Variants in CEP126 observed in about 807,000 individuals in gnomAD.
CEP126 encodes centrosomal protein 126, also known as centrosomal protein of 126 kDa.
CEP126 carries 74 observed loss-of-function variants against 107.8 expected under a neutral mutation model. That is an observed-to-expected ratio of 0.69 (90% CI 0.57 to 0.83). CEP126 has a LOEUF of 0.83. Ranked by LOEUF, CEP126 falls within the 40% of genes least tolerant of loss-of-function variation. The pLI is 0.00. For missense variants in CEP126, 1,237 were observed against 1,281.9 expected (o/e 0.96, Z 0.53); for synonymous variants, 449 against 446.0 (o/e 1.01, Z -0.08).
intron 4 of CEP126, among the ~76,000 whole-genome samples, chr11:101,951,136 A>C (rs2137101681): frequency 1.3e-5 from 2 of 152,250 alleles, no homozygotes; most frequent in East Asian, 3.9e-4. Context: ...AATGAAGATA[A>C]TGTGCTTTCA....
Position 102,000,882 on chromosome 11 carries a change from C to T in CEP126, c.*3239C>T, listed in dbSNP as rs1941500859. The T allele has an allele frequency of 6.6e-6, 1 of 152,056 alleles. No individual in the cohort carries two copies. Among genetic ancestry groups the T allele is most frequent in the Non-Finnish European group, 1.5e-5 (1 of 68,008 alleles). 9.4% of individuals were successfully genotyped at this position (152,056 alleles called of 1,614,324 possible). A position where few individuals can be genotyped will look rare whatever the true frequency, so the allele number is the denominator to read the frequency against. ...AACTTATTTTAAATCCATATTGTAC[C>T]AGAATGACTATGTCTGTGTTTCTTA... On this transcript the variant is annotated 3_prime_UTR_variant, in exon 11 of 11. Transcript: ENST00000263468.
intron 2 of CEP126, 58 bp from the exon 3 acceptor site, chr11:101,944,207 A>G: frequency 7.1e-7 from 1 of 1,416,622 alleles, no homozygotes; most frequent in Admixed American, 2.7e-5. Flanking sequence ...CGTCATTTTG[A>G]AACTATTTTC....
chr11:101,957,313 T>C (rs7102793), intron 4 of CEP126, among the ~76,000 whole-genome samples: 39,310 of 152,076 alleles, frequency 0.26, 5,496 homozygotes, highest in Admixed American at 0.37. Flanking sequence ...AAATGCTCTT[T>C]GGATTCACAC....
intron 6 of CEP126, among the ~76,000 whole-genome samples, chr11:101,967,909 A>G (rs1459566092): frequency 6.6e-6 from 1 of 152,208 alleles, no homozygotes; most frequent in Non-Finnish European, 1.5e-5. Flanking sequence ...GGCTGCCACA[A>G]ATAGTTGCAC....
chr11:101,971,659 C>T (rs1441172516), intron 6 of CEP126, among the ~76,000 whole-genome samples: 4 of 151,958 alleles, frequency 2.6e-5, no homozygotes, highest in Non-Finnish European at 5.9e-5. Context: ...CAAGAAGCTG[C>T]GGTTACAGTT....
At position 101,922,633 on chromosome 11, in the gene CEP126, A is replaced by G. The variant is rs369305257; in HGVS notation, c.129-8A>G. On this transcript the variant is annotated splice_polypyrimidine_tract_variant and splice_region_variant and intron_variant, in intron 1 of 10. Transcript: ENST00000263468. ...AGACCATTGTTCTTAACTTAATGCT[A>G]TCATTAGAGATATGAAAATCCATCT... 3.6e-5 allele frequency: 58 copies of G among 1,597,294 alleles called. No homozygotes were observed. The highest frequency in any genetic ancestry group is 4.2e-5 in the Non-Finnish European group (49 of 1,165,692).
At position 101,922,750 on chromosome 11, in the gene CEP126, C is replaced by G; in HGVS notation, c.238C>G (p.Arg80Gly). ...ACGTAAATATTTTGTGGAGTCAAATCGGAGAAAAAAGTAAGTAATTGCACT... is the reference window on the plus strand; with the variant it reads ...ACGTAAATATTTTGTGGAGTCAAATGGGAGAAAAAAGTAAGTAATTGCACT... Reference protein sequence around the residue: ...RARKYFVESNRRKKAFEEKRK... With the variant: ...RARKYFVESNGRKKAFEEKRK... The change falls in exon 2 of 11, where the codon CGG (arginine) becomes GGG (glycine). Residue 80 changes from arginine (R) to glycine (G), a missense_variant. Around this residue, in one of 3 missense-constraint regions of CEP126, gnomAD observed 1,134 missense variants for 1,150.5 expected, o/e 0.99. Transcript: ENST00000263468. 1 of 1,610,316 alleles carries G rather than the reference C, an allele frequency of 6.2e-7. No homozygotes were observed. The highest frequency in any genetic ancestry group is 1.1e-5 in the South Asian group (1 of 90,776).
intron 9 of CEP126, among the ~76,000 whole-genome samples, chr11:101,988,909 C>T (rs1266611243): frequency 1.3e-5 from 2 of 151,968 alleles, no homozygotes; most frequent in Non-Finnish European, 2.9e-5. Flanking sequence ...TTTTTAACCA[C>T]GGTGGGTGAT....
chr11:101,961,643 G>A (rs1483198316), intron 5 of CEP126, 98 bp from the exon 6 acceptor site: 2 of 633,270 alleles, frequency 3.2e-6, no homozygotes, highest in Non-Finnish European at 2.7e-6. Flanking sequence ...TACTCTATAT[G>A]CAAGGAGAAT....
chr11:101,920,742 G>T (rs1317803437), intron 1 of CEP126, among the ~76,000 whole-genome samples: 6 of 151,816 alleles, frequency 4.0e-5, no homozygotes, highest in Non-Finnish European at 8.8e-5. Context: ...AGTAGCTGGG[G>T]CTGCAGGCAT....
At chr11:101,942,306 T>C (rs537589391) in intron 2 of CEP126, among the ~76,000 whole-genome samples, 1 of 152,242 alleles carries the variant, frequency 6.6e-6, no homozygotes, top group East Asian at 1.9e-4. Flanking sequence ...TTATATGTGC[T>C]GTAAGGTAAG....
At chr11:101,922,236 C>T (rs1940339968) in intron 1 of CEP126, among the ~76,000 whole-genome samples, 1 of 148,842 alleles carries the variant, frequency 6.7e-6, no homozygotes, top group Admixed American at 6.7e-5. Flanking sequence ...ACAACCTTGG[C>T]TCACTGCAAC....
intron 1 of CEP126, 108 bp downstream of exon 1, chr11:101,915,520 A>C: frequency 1.5e-6 from 2 of 1,355,608 alleles, no homozygotes; most frequent in Non-Finnish European, 2.0e-6. Context: ...AAAACTAGCA[A>C]GTCATCTTAG....
intron 2 of CEP126, among the ~76,000 whole-genome samples, chr11:101,930,290 C>T (rs1212798757): frequency 6.6e-6 from 1 of 152,200 alleles, no homozygotes. Flanking sequence ...ATAATCTACA[C>T]ACATCCTCTC....
In CEP126 at chr11:101,944,148, G is replaced by T. The variant is rs1487337458; in HGVS notation, c.249-117G>T. 6.1e-6 allele frequency: 6 copies of T among 979,932 alleles called. No individual in the cohort carries two copies. The East Asian group carries it at 1.8e-4, about 30-fold the overall frequency. 60.7% of individuals were successfully genotyped at this position (979,932 alleles called of 1,614,324 possible). A position where few individuals can be genotyped will look rare whatever the true frequency, so the allele number is the denominator to read the frequency against. On this transcript the variant is annotated intron_variant, in intron 2 of 10. Coordinates refer to ENST00000263468, the MANE Select transcript of CEP126 (RefSeq NM_020802.4). Reference sequence around the variant, plus strand: ...TGTTTTAAAAAATTTAAAATTTGTTGTTTTTAAATAAAATTTTGAAATATG... The same window carrying T: ...TGTTTTAAAAAATTTAAAATTTGTTTTTTTTAAATAAAATTTTGAAATATG...
intron 9 of CEP126, 127 bp from the exon 10 acceptor site, chr11:101,992,651 G>GA (rs35436301): frequency 3.6e-6 from 2 of 554,790 alleles, no homozygotes; most frequent in East Asian, 3.6e-5. Context: ...GGGGTGACTG[G>GA]AAAAAAGTGT....
chr11:101,920,947 C>T (rs1430593475), intron 1 of CEP126, among the ~76,000 whole-genome samples: 1 of 152,072 alleles, frequency 6.6e-6, no homozygotes, highest in Non-Finnish European at 1.5e-5. Context: ...AAACAGAAGA[C>T]TCATGAAAAA....
Position 101,962,105 on chromosome 11 carries a change from T to C in CEP126, c.1070T>C (p.Val357Ala). The C allele has an allele frequency of 1.2e-6, 2 of 1,612,310 alleles. No homozygotes were observed. Among genetic ancestry groups the C allele is most frequent in the South Asian group, 2.2e-5 (2 of 90,642 alleles). The stretch of plus-strand genomic sequence containing the variant: ...AATCCATCTCCTTTGAATGGAACAG[T>C]GGAAAGAGCCACAAATACTGCTAAT... ...EQNPSPLNGTVERATNTANNS... is the reference protein window; with the variant it reads ...EQNPSPLNGTAERATNTANNS... Residue 357 changes from valine to alanine, a missense_variant, in exon 6 of 11, where the codon GTG (valine) becomes GCG (alanine). Val to Ala is a moderately conservative substitution (Grantham distance 64). Transcript: ENST00000263468.
At chr11:101,996,822 G>T (rs184972583) in intron 10 of CEP126, among the ~76,000 whole-genome samples, 6 of 152,078 alleles carry the variant, frequency 3.9e-5, no homozygotes, top group African/African-American at 1.2e-4. Flanking sequence ...TCCTTCTGGC[G>T]TGCCTAACTA....
Sources: allele counts gnomAD v4.1 joint callset (sites outside exome capture counted in the v4.1 genomes callset), GRCh38; gene constraint gnomAD v4.1.1; regional missense constraint gnomAD v4.1.1; transcripts MANE v1.5; gene names NCBI Gene and HGNC (gene_info 2026-07-23, HGNC 2026-07-21).